SCN8A: variants seen among roughly 807,000 people sequenced by gnomAD.
The protein encoded by SCN8A is sodium voltage-gated channel alpha subunit 8.
A neutral mutation model predicts 184.1 loss-of-function variants in SCN8A; 30 were observed. That is an observed-to-expected ratio of 0.16 (90% CI 0.12 to 0.22). The LOEUF (loss-of-function observed/expected upper bound fraction) is 0.22, where lower values mean the gene tolerates loss of function less well. SCN8A is among the 10% of genes least tolerant of loss of function. SCN8A has a pLI of 1.00. For missense variants in SCN8A, 1,057 were observed against 2,498.9 expected, an observed-to-expected ratio of 0.42 and a Z score of 12.30; for synonymous variants, 852 against 907.0, an observed-to-expected ratio of 0.94 and a Z score of 1.09.
intron 1 of SCN8A, among the ~76,000 whole-genome samples, chr12:51,658,067 C>T (rs1052454908): frequency 3.3e-5 from 5 of 151,974 alleles, no homozygotes; most frequent in African/African-American, 9.7e-5. Flanking sequence ...CAGCTTTGTT[C>T]CTTTTGCTCA....
At chr12:51,690,749 C>G (rs1941492853) in intron 6 of SCN8A, among the ~76,000 whole-genome samples, 1 of 152,150 alleles carries the variant, frequency 6.6e-6, no homozygotes, top group Admixed American at 6.5e-5. Context: ...AGAGGGCAGA[C>G]TGGAATGTGG....
At chr12:51,661,438 A>G (rs1940923367) in intron 1 of SCN8A, among the ~76,000 whole-genome samples, 1 of 152,166 alleles carries the variant, frequency 6.6e-6, no homozygotes, top group African/African-American at 2.4e-5. Flanking sequence ...ACACTTAGCA[A>G]TCACCACTGC....
Position 51,721,698 on chromosome 12 carries a change from C to T in SCN8A, c.1788C>T (p.Gly596=). The change falls in exon 12 of 27, where the codon GGC becomes GGT. Residue 596 remains glycine (G), a synonymous_variant. Transcript: ENST00000627620. ...ACAGCACGGTGGAGGAGAGCGAGGG[C>T]CGCCGGGACTCCCTCTTCATCCCCA... ...DEHSTVEESE[G]RRDSLFIPIR... is the part of the protein sequence containing the mutation. 6.3e-7 allele frequency: 1 copy of T among 1,590,178 alleles called. No homozygotes were observed. The highest frequency in any genetic ancestry group is 8.6e-7 in the Non-Finnish European group (1 of 1,168,414).
At chr12:51,687,324 A>T in intron 5 of SCN8A, 105 bp downstream of exon 5, 2 of 1,308,976 alleles carry the variant, frequency 1.5e-6, no homozygotes, top group Non-Finnish European at 2.1e-6. Flanking sequence ...CAGCTGTATG[A>T]GGAATTAATG....
intron 26 of SCN8A, among the ~76,000 whole-genome samples, chr12:51,797,936 A>G (rs1488064123): frequency 6.6e-6 from 1 of 152,214 alleles, no homozygotes; most frequent in African/African-American, 2.4e-5. Context: ...TCGCAGGAAC[A>G]GGAGGCAAAA....
chr12:51,727,196 G>C (rs1942168638), intron 12 of SCN8A, among the ~76,000 whole-genome samples: 1 of 152,118 alleles, frequency 6.6e-6, no homozygotes, highest in Admixed American at 6.5e-5. Context: ...TTTGGGTTAA[G>C]AGAAATGGAA....
intron 1 of SCN8A, among the ~76,000 whole-genome samples, chr12:51,599,233 A>G (rs1939413291): frequency 1.3e-5 from 2 of 152,240 alleles, no homozygotes; most frequent in African/African-American, 4.8e-5. Flanking sequence ...ATTTTGTGAA[A>G]TAAGTCATAA....
intron 20 of SCN8A, among the ~76,000 whole-genome samples, chr12:51,778,477 C>T (rs901622745): frequency 7.9e-5 from 12 of 151,974 alleles, no homozygotes; most frequent in Admixed American, 2.6e-4. Context: ...TTAGTAGAGA[C>T]GGGGTTTCAC....
intron 1 of SCN8A, among the ~76,000 whole-genome samples, chr12:51,656,363 A>G (rs1347562133): frequency 6.6e-6 from 1 of 152,236 alleles, no homozygotes; most frequent in Non-Finnish European, 1.5e-5. Context: ...ATTGTAAAAC[A>G]AAGGAGAATA....
rs1938733899 is a variant in SCN8A, at chr12:51,807,302, C to T, written c.5816C>T (p.Pro1939Leu). 1 of 1,613,790 alleles carries T rather than the reference C, an allele frequency of 6.2e-7. No homozygotes were observed. Among genetic ancestry groups the T allele is most frequent in the South Asian group, 1.1e-5 (1 of 91,074 alleles). The change falls in exon 27 of 27, where the codon CCA (proline) becomes CTA (leucine). Residue 1939 changes from proline (P) to leucine (L), a missense_variant. Physicochemically the swap from Pro to Leu is moderately conservative, Grantham distance 98. Transcript: ENST00000627620. This position sits in a 1 kb window ranked among gnomAD's most constrained non-coding sequence, Gnocchi z 4.5. ...GTHREKKEST[P>L]STASLPSYDS... ...CACCGGGAGAAAAAAGAGAGCACCC[C>T]ATCTACAGCCTCCCTCCCGTCCTAT...
At chr12:51,679,941 G>A (rs926620848) in intron 2 of SCN8A, among the ~76,000 whole-genome samples, 2 of 151,958 alleles carry the variant, frequency 1.3e-5, no homozygotes, top group Non-Finnish European at 2.9e-5. Flanking sequence ...GGTCAGGCTG[G>A]TCTTGAACCG....
intron 19 of SCN8A, among the ~76,000 whole-genome samples, chr12:51,771,512 C>T (rs1288225909): frequency 1.3e-5 from 2 of 151,938 alleles, no homozygotes; most frequent in African/African-American, 4.8e-5. Flanking sequence ...GTTTCACTGA[C>T]TTGTGAGGCA....
chr12:51,744,331 C>T (rs916283196), intron 12 of SCN8A, among the ~76,000 whole-genome samples: 1 of 152,148 alleles, frequency 6.6e-6, no homozygotes, highest in African/African-American at 2.4e-5. Context: ...AGAGATTTGC[C>T]TGATGTTCTA....
intron 14 of SCN8A, among the ~76,000 whole-genome samples, chr12:51,758,410 C>G (rs1397821085): frequency 2.0e-5 from 3 of 152,140 alleles, no homozygotes; most frequent in East Asian, 3.8e-4. Flanking sequence ...TTTTGCAAGT[C>G]TCTTTAATGT....
rs183122183 is a variant in SCN8A, at chr12:51,660,911, G to A, written c.-54-1853G>A. Reference sequence around the variant, plus strand: ...AGGGATTTATTGGGGGGCAATGCAAGGATGGGTAGGAGAAGAATGAAGGAA... The same window carrying A: ...AGGGATTTATTGGGGGGCAATGCAAAGATGGGTAGGAGAAGAATGAAGGAA... On this transcript the variant is annotated intron_variant, in intron 1 of 26. Coordinates refer to ENST00000627620, the MANE Select transcript of SCN8A (RefSeq NM_001330260.2). Among the ~76,000 whole-genome samples, 21 of 152,272 alleles carry A rather than the reference G, an allele frequency of 1.4e-4. No individual in the cohort carries two copies. The East Asian group carries it at 3.7e-3, about 27-fold the overall frequency.
At chr12:51,735,863 A>G (rs1449782894) in intron 12 of SCN8A, among the ~76,000 whole-genome samples, 2 of 151,934 alleles carry the variant, frequency 1.3e-5, no homozygotes, top group Admixed American at 6.6e-5. Flanking sequence ...TACAAGCATA[A>G]CCTCTACCCC....
At chr12:51,750,259 C>T (rs1424489489) in intron 13 of SCN8A, among the ~76,000 whole-genome samples, 1 of 152,066 alleles carries the variant, frequency 6.6e-6, no homozygotes, top group Admixed American at 6.5e-5. Context: ...TGGTGTATTT[C>T]ATGTATTGGG....
chr12:51,746,059 C>T, intron 13 of SCN8A, 24 bp downstream of exon 13: 1 of 1,564,362 alleles, frequency 6.4e-7, no homozygotes, highest in East Asian at 2.3e-5. Context: ...AATGTCAGTC[C>T]AACCGCTGAG....
At chr12:51,720,911 C>T (rs1406197410) in intron 11 of SCN8A, among the ~76,000 whole-genome samples, 1 of 151,194 alleles carries the variant, frequency 6.6e-6, no homozygotes, top group Non-Finnish European at 1.5e-5. Flanking sequence ...ACTAAAAATA[C>T]AAAAATTAGC....
Sources: allele counts gnomAD v4.1 joint callset (sites outside exome capture counted in the v4.1 genomes callset), GRCh38; gene constraint gnomAD v4.1.1; non-coding constraint Gnocchi (gnomAD v3.1); transcripts MANE v1.5; gene names NCBI Gene and HGNC (gene_info 2026-07-23, HGNC 2026-07-21).